The following KCNH7 variants were observed in gnomAD, a reference collection of about 807,000 sequenced individuals.
KCNH7 encodes potassium voltage-gated channel subfamily H member 7.
A neutral mutation model predicts 120.8 loss-of-function variants in KCNH7; 49 were observed. The ratio of observed to expected loss-of-function variants is 0.41; its 90% CI spans 0.32 to 0.51. The LOEUF (loss-of-function observed/expected upper bound fraction) is 0.51. Ranked by LOEUF, KCNH7 falls within the 20% of genes least tolerant of loss-of-function variation. The pLI, the probability that KCNH7 is intolerant of heterozygous loss-of-function variation, is 0.38. For missense variants in KCNH7, 1,097 were observed against 1,446.6 expected (o/e 0.76, Z 3.92); for synonymous variants, 547 against 516.1 (o/e 1.06, Z -0.81).
chr2:162,620,154 A>ATG (rs1683295807), intron 2 of KCNH7, among the ~76,000 whole-genome samples: 2 of 144,068 alleles, frequency 1.4e-5, no homozygotes, highest in African/African-American at 2.5e-5. Context: ...AAATATAGAT[A>ATG]TATATATAGA....
At chr2:162,479,718 T>A (rs1258044277) in intron 6 of KCNH7, among the ~76,000 whole-genome samples, 1 of 151,648 alleles carries the variant, frequency 6.6e-6, no homozygotes, top group Non-Finnish European at 1.5e-5. Flanking sequence ...GATGGCTGTA[T>A]GACTGAAGTA....
chr2:162,491,923 G>A (rs188025168), intron 6 of KCNH7, among the ~76,000 whole-genome samples: 17 of 152,100 alleles, frequency 1.1e-4, no homozygotes, highest in African/African-American at 4.1e-4. Context: ...TTCTCTTCGT[G>A]GATGGGTAAT....
intron 9 of KCNH7, among the ~76,000 whole-genome samples, chr2:162,408,055 A>C (rs548220268): frequency 6.6e-6 from 1 of 152,068 alleles, no homozygotes. Context: ...GAGACAATGC[A>C]TTAGGAATTT....
chr2:162,651,338 T>C (rs904442830), intron 2 of KCNH7, among the ~76,000 whole-genome samples: 2 of 152,156 alleles, frequency 1.3e-5, no homozygotes, highest in African/African-American at 2.4e-5. Context: ...TACCCAATAG[T>C]TATCTTTTCC....
intron 2 of KCNH7, among the ~76,000 whole-genome samples, chr2:162,590,924 A>C (rs1694192979): frequency 6.6e-6 from 1 of 152,168 alleles, no homozygotes; most frequent in South Asian, 2.1e-4. Context: ...ACTCTTGTCC[A>C]TATAAGCACC....
chr2:162,404,010 T>C (rs144593204), intron 9 of KCNH7, among the ~76,000 whole-genome samples: 6 of 152,098 alleles, frequency 3.9e-5, no homozygotes, highest in African/African-American at 1.4e-4. Context: ...CTTGGCTTCC[T>C]GTTCATTGCA....
intron 13 of KCNH7, 129 bp from the exon 14 acceptor site, chr2:162,380,150 C>CA (rs1313452644): frequency 9.1e-7 from 1 of 1,103,354 alleles, no homozygotes; most frequent in Non-Finnish European, 1.3e-6. Context: ...CAAAAGTATT[C>CA]AGTGATGTGT....
intron 2 of KCNH7, among the ~76,000 whole-genome samples, chr2:162,592,587 A>C (rs1328358964): frequency 6.6e-6 from 1 of 152,070 alleles, no homozygotes; most frequent in Admixed American, 6.6e-5. Context: ...AGAAGCCAAA[A>C]TGCAAGCTGA....
intron 2 of KCNH7, among the ~76,000 whole-genome samples, chr2:162,800,401 G>T (rs1194410352): frequency 6.6e-6 from 1 of 151,532 alleles, no homozygotes; most frequent in Non-Finnish European, 1.5e-5. Context: ...TACAACGGCA[G>T]TATTTTTACA....
intron 2 of KCNH7, among the ~76,000 whole-genome samples, chr2:162,607,159 G>A (rs1214637396): frequency 3.3e-5 from 5 of 149,512 alleles, no homozygotes; most frequent in South Asian, 2.1e-4. Flanking sequence ...GGCAGATCAC[G>A]AGGTCAGGAG....
intron 2 of KCNH7, among the ~76,000 whole-genome samples, chr2:162,600,785 T>G (rs1254922117): frequency 6.6e-6 from 1 of 152,068 alleles, no homozygotes; most frequent in Non-Finnish European, 1.5e-5. Flanking sequence ...GTCCCTGTTT[T>G]GTTAACTGTA....
intron 1 of KCNH7, among the ~76,000 whole-genome samples, chr2:162,837,450 T>C (rs2105633641): frequency 6.6e-6 from 1 of 152,346 alleles, no homozygotes; most frequent in East Asian, 1.9e-4. Flanking sequence ...TTTTCTGTAG[T>C]AGCAGGAATT....
At chr2:162,509,637 A>G (rs530532037) in intron 5 of KCNH7, among the ~76,000 whole-genome samples, 1 of 151,654 alleles carries the variant, frequency 6.6e-6, no homozygotes, top group Non-Finnish European at 1.5e-5. Context: ...AGTGCATGAC[A>G]TATTATTTGC....
chr2:162,623,340 T>G (rs576276518), intron 2 of KCNH7, among the ~76,000 whole-genome samples: 1 of 152,326 alleles, frequency 6.6e-6, no homozygotes, highest in East Asian at 1.9e-4. Context: ...TTGTTGTCAT[T>G]TTTGTAAGTG....
chr2:162,391,693 C>T (rs566024680), intron 12 of KCNH7, among the ~76,000 whole-genome samples: 9 of 151,938 alleles, frequency 5.9e-5, no homozygotes, highest in East Asian at 1.9e-4. Context: ...CCTTATCAGG[C>T]GATAAAAACA....
chr2:162,450,888 G>C (rs138640446), intron 6 of KCNH7, among the ~76,000 whole-genome samples: 1 of 152,096 alleles, frequency 6.6e-6, no homozygotes, highest in African/African-American at 2.4e-5. Context: ...CTAGGAACCA[G>C]GTGGCAGAAA....
At position 162,469,906 on chromosome 2, in the gene KCNH7, G is replaced by A. The variant is rs1368466080; in HGVS notation, c.1129-23463C>T. Reference sequence around the variant, plus strand: ...ATTTTTTTGGTGGAGACGGGGTTTCGCTGTCTTGGCCGGGCTGGTCTCCAG... The same window carrying A: ...ATTTTTTTGGTGGAGACGGGGTTTCACTGTCTTGGCCGGGCTGGTCTCCAG... On this transcript the variant is annotated intron_variant, in intron 6 of 15. Coordinates refer to ENST00000332142, the MANE Select transcript of KCNH7 (RefSeq NM_033272.4). Among the ~76,000 whole-genome samples the A allele has an allele frequency of 6.6e-5, 10 of 152,346 alleles. 1 individual carries two copies. The South Asian group carries it at 1.4e-3, about 22-fold the overall frequency.
At chr2:162,832,771 T>A (rs1685521698) in intron 2 of KCNH7, among the ~76,000 whole-genome samples, 1 of 152,096 alleles carries the variant, frequency 6.6e-6, no homozygotes, top group South Asian at 2.1e-4. Context: ...AAAACACAGC[T>A]GTTTCTAGAA....
intron 2 of KCNH7, among the ~76,000 whole-genome samples, chr2:162,564,124 A>G (rs1459391939): frequency 6.6e-6 from 1 of 152,028 alleles, no homozygotes; most frequent in Non-Finnish European, 1.5e-5. Context: ...TTCTTACCAC[A>G]TATAATTATT....
Sources: allele counts gnomAD v4.1 joint callset (sites outside exome capture counted in the v4.1 genomes callset), GRCh38; gene constraint gnomAD v4.1.1; transcripts MANE v1.5; gene names NCBI Gene and HGNC (gene_info 2026-07-23, HGNC 2026-07-21).